THSD7B: variants seen among roughly 807,000 people sequenced by gnomAD.
THSD7B encodes thrombospondin type 1 domain containing 7B.
THSD7B carries 138 observed loss-of-function variants against 213.6 expected under a neutral mutation model. That is an observed-to-expected ratio of 0.65 (90% CI 0.56 to 0.74). THSD7B has a LOEUF of 0.74. Ranked by LOEUF, THSD7B falls within the 30% of genes least tolerant of loss-of-function variation. The probability of loss-of-function intolerance (pLI) is 0.00; values close to 1 mark genes in which losing one functional copy is unlikely to be tolerated. For missense variants in THSD7B, 1,931 were observed against 1,991.5 expected (o/e 0.97, Z 0.58); for synonymous variants, 742 against 687.0 (o/e 1.08, Z -1.25).
intron 2 of THSD7B, among the ~76,000 whole-genome samples, chr2:137,005,202 T>C (rs1415132867): frequency 6.6e-6 from 1 of 152,240 alleles, no homozygotes; most frequent in Non-Finnish European, 1.5e-5. Flanking sequence ...ATTTCAGTGC[T>C]CAGCCAACTT....
chr2:137,041,733 C>G (rs1686885033), intron 2 of THSD7B, among the ~76,000 whole-genome samples: 1 of 151,438 alleles, frequency 6.6e-6, no homozygotes, highest in Non-Finnish European at 1.5e-5. Context: ...TAATATAATA[C>G]TGGATTCATG....
intron 3 of THSD7B, among the ~76,000 whole-genome samples, chr2:137,080,491 G>C (rs1043703486): frequency 4.0e-5 from 6 of 151,522 alleles, no homozygotes; most frequent in African/African-American, 1.5e-4. Flanking sequence ...TGGGATTACA[G>C]GTGTGAGCCA....
At chr2:137,028,660 A>T (rs939228584) in intron 2 of THSD7B, among the ~76,000 whole-genome samples, 7 of 152,234 alleles carry the variant, frequency 4.6e-5, no homozygotes, top group African/African-American at 1.7e-4. Flanking sequence ...AAATGAGGCA[A>T]TGCAATGCCA....
chr2:137,457,373 C>T (rs112871725), intron 15 of THSD7B, among the ~76,000 whole-genome samples: 4 of 152,194 alleles, frequency 2.6e-5, no homozygotes, highest in Non-Finnish European at 5.9e-5. Context: ...CTCTTCTAGG[C>T]TGGCTTGTCA....
intron 12 of THSD7B, among the ~76,000 whole-genome samples, chr2:137,348,809 A>T (rs953144588): frequency 1.1e-4 from 16 of 150,450 alleles, no homozygotes; most frequent in Non-Finnish European, 2.2e-4. Context: ...AGACACAGGA[A>T]TCTAAATGCT....
At chr2:137,114,300 G>T (rs1285238243) in intron 4 of THSD7B, among the ~76,000 whole-genome samples, 1 of 152,160 alleles carries the variant, frequency 6.6e-6, no homozygotes, top group African/African-American at 2.4e-5. Flanking sequence ...ACTGCTGTGG[G>T]CTTAAAGAAT....
intron 15 of THSD7B, among the ~76,000 whole-genome samples, chr2:137,459,863 G>A (rs149837179): frequency 5.9e-5 from 9 of 152,196 alleles, no homozygotes; most frequent in Non-Finnish European, 8.8e-5. Flanking sequence ...TACACTTAGA[G>A]TGGATTAAGG....
intron 10 of THSD7B, among the ~76,000 whole-genome samples, chr2:137,253,775 A>G (rs754249054): frequency 6.6e-6 from 1 of 152,196 alleles, no homozygotes; most frequent in South Asian, 2.1e-4. Flanking sequence ...TCTGCAATTA[A>G]AAAGAATAAA....
intron 2 of THSD7B, among the ~76,000 whole-genome samples, chr2:136,984,380 A>C (rs1685636115): frequency 6.6e-6 from 1 of 152,184 alleles, no homozygotes; most frequent in Non-Finnish European, 1.5e-5. Context: ...TCTAGAAAAT[A>C]AGGAGTTCTC....
chr2:137,675,430 A>G (rs1194272265), intron 27 of THSD7B, among the ~76,000 whole-genome samples: 1 of 67,842 alleles, frequency 1.5e-5, no homozygotes, highest in Non-Finnish European at 4.2e-5. Flanking sequence ...ATATATATAT[A>G]TATATATATA....
At chr2:137,621,153 T>C (rs1308005560) in intron 20 of THSD7B, among the ~76,000 whole-genome samples, 2 of 152,146 alleles carry the variant, frequency 1.3e-5, no homozygotes, top group Admixed American at 1.3e-4. Context: ...TGCTTCAAAA[T>C]GTAAATCAAG....
intron 2 of THSD7B, among the ~76,000 whole-genome samples, chr2:136,974,903 G>C (rs1305341383): frequency 6.6e-6 from 1 of 152,160 alleles, no homozygotes; most frequent in Non-Finnish European, 1.5e-5. Context: ...TGACTGGCAT[G>C]ACATTATATT....
At chr2:136,996,019 T>C (rs1011550567) in intron 2 of THSD7B, among the ~76,000 whole-genome samples, 5 of 152,224 alleles carry the variant, frequency 3.3e-5, no homozygotes, top group African/African-American at 1.2e-4. Flanking sequence ...CTTTACTTTT[T>C]ATTTCATGTC....
chr2:137,355,134 A>G (rs1461780467), intron 12 of THSD7B, among the ~76,000 whole-genome samples: 1 of 152,164 alleles, frequency 6.6e-6, no homozygotes, highest in Non-Finnish European at 1.5e-5. Context: ...CAGATCTCAA[A>G]TATTTATGCT....
At chr2:137,091,986 G>A (rs992248046) in intron 3 of THSD7B, among the ~76,000 whole-genome samples, 3 of 152,116 alleles carry the variant, frequency 2.0e-5, no homozygotes, top group Non-Finnish European at 4.4e-5. Flanking sequence ...TATTAGATGA[G>A]ACATTTTCAG....
chr2:137,534,248 A>G (rs1216685701), intron 15 of THSD7B, among the ~76,000 whole-genome samples: 1 of 151,632 alleles, frequency 6.6e-6, no homozygotes, highest in Non-Finnish European at 1.5e-5. Context: ...GGTAAAGAGG[A>G]TTAATGAGAA....
intron 2 of THSD7B, among the ~76,000 whole-genome samples, chr2:137,050,783 T>C (rs1311693320): frequency 6.6e-6 from 1 of 152,198 alleles, no homozygotes; most frequent in Non-Finnish European, 1.5e-5. Context: ...AAATGTGTTT[T>C]GTTGTTGCAA....
chr2:137,312,267 C>T (rs1424979533), intron 12 of THSD7B, among the ~76,000 whole-genome samples: 2 of 152,176 alleles, frequency 1.3e-5, no homozygotes, highest in Non-Finnish European at 1.5e-5. Flanking sequence ...TTATCCATTT[C>T]TTCTAGATTT....
At chr2:137,023,412 ATAACCTG>A (rs1488302247) in intron 2 of THSD7B, among the ~76,000 whole-genome samples, 12 of 152,208 alleles carry the variant, frequency 7.9e-5, no homozygotes, top group Non-Finnish European at 1.5e-4. Context: ...CCTGTAGCGG[ATAACCTG>A]TATTAGGAAG....
Sources: allele counts gnomAD v4.1 joint callset (sites outside exome capture counted in the v4.1 genomes callset), GRCh38; gene constraint gnomAD v4.1.1; transcripts MANE v1.5; gene names NCBI Gene and HGNC (gene_info 2026-07-23, HGNC 2026-07-21).